Variants in DOCK3 observed in about 807,000 individuals in gnomAD.
DOCK3 encodes the protein dedicator of cytokinesis protein 3.
DOCK3 carries 60 observed loss-of-function variants against 265.6 expected under a neutral mutation model. The ratio of observed to expected loss-of-function variants is 0.23; its 90% confidence interval spans 0.18 to 0.28. The LOEUF (loss-of-function observed/expected upper bound fraction) is 0.28. Among genes scored for constraint, DOCK3 ranks in the 10% least tolerant of loss-of-function variants. DOCK3 has a pLI of 1.00. For missense variants in DOCK3, 1,981 were observed against 2,594.3 expected (o/e 0.76, Z 5.14); for synonymous variants, 881 against 938.0 (o/e 0.94, Z 1.11).
At chr3:50,895,685 G>A (rs145737819) in intron 4 of DOCK3, among the ~76,000 whole-genome samples, 1,718 of 151,858 alleles carry the variant, frequency 0.011, 43 homozygotes, top group African/African-American at 0.039. Flanking sequence ...CCCCCAACAG[G>A]CCCCAGTGTG....
At chr3:51,316,555 A>G (rs552313686) in intron 32 of DOCK3, among the ~76,000 whole-genome samples, 135 of 152,336 alleles carry the variant, frequency 8.9e-4, no homozygotes, top group African/African-American at 3.2e-3. Context: ...CTTTTCTAAA[A>G]TAGCTATACC....
intron 4 of DOCK3, among the ~76,000 whole-genome samples, chr3:50,932,082 T>C (rs1421436528): frequency 6.6e-6 from 1 of 152,308 alleles, no homozygotes; most frequent in East Asian, 1.9e-4. Flanking sequence ...CTTGCTGATA[T>C]TACCTTTGTC....
intron 2 of DOCK3, among the ~76,000 whole-genome samples, chr3:50,814,276 A>G (rs755597982): frequency 4.6e-5 from 7 of 152,068 alleles, no homozygotes; most frequent in African/African-American, 7.2e-5. Flanking sequence ...GTAAATTATT[A>G]TTATTATTAG....
intron 12 of DOCK3, among the ~76,000 whole-genome samples, chr3:51,190,731 G>GA (rs1458083699): frequency 6.6e-6 from 1 of 152,176 alleles, no homozygotes; most frequent in Non-Finnish European, 1.5e-5. Flanking sequence ...GGTGAGGGGT[G>GA]AGGCTAGAGA....
At chr3:50,904,169 A>G (rs1349933216) in intron 4 of DOCK3, among the ~76,000 whole-genome samples, 1 of 152,200 alleles carries the variant, frequency 6.6e-6, no homozygotes, top group Non-Finnish European at 1.5e-5. Flanking sequence ...TCATTGATGG[A>G]CATTTGCGTT....
At chr3:50,954,866 G>T (rs557546610) in intron 5 of DOCK3, among the ~76,000 whole-genome samples, 22 of 152,180 alleles carry the variant, frequency 1.4e-4, no homozygotes, top group Admixed American at 4.6e-4. Context: ...TGTTGCTATT[G>T]CTTTTGGCAT....
chr3:50,979,554 A>G (rs1311345308), intron 5 of DOCK3, among the ~76,000 whole-genome samples: 4 of 150,762 alleles, frequency 2.7e-5, no homozygotes, highest in Non-Finnish European at 5.9e-5. Flanking sequence ...TCACACTTGA[A>G]CTCCCCTTTC....
intron 1 of DOCK3, among the ~76,000 whole-genome samples, chr3:50,731,641 G>GA (rs1355877059): frequency 6.6e-6 from 1 of 152,102 alleles, no homozygotes; most frequent in Non-Finnish European, 1.5e-5. Flanking sequence ...AGTATATGCA[G>GA]AAAAAACATT....
At chr3:51,079,338 G>A (rs532152739) in intron 7 of DOCK3, among the ~76,000 whole-genome samples, 3 of 151,894 alleles carry the variant, frequency 2.0e-5, no homozygotes, top group African/African-American at 7.2e-5. Context: ...GTTTTATTTT[G>A]TTTGTTTGTT....
At chr3:50,965,852 T>G (rs1285167582) in intron 5 of DOCK3, among the ~76,000 whole-genome samples, 2 of 152,168 alleles carry the variant, frequency 1.3e-5, no homozygotes, top group Admixed American at 6.5e-5. Flanking sequence ...GTACAATGGA[T>G]GATTGGGTAT....
intron 5 of DOCK3, among the ~76,000 whole-genome samples, chr3:51,054,880 G>A (rs2081142681): frequency 6.6e-6 from 1 of 151,798 alleles, no homozygotes; most frequent in Admixed American, 6.6e-5. Context: ...TTTTTTCTTT[G>A]AAATTTTCTT....
At chr3:50,926,024 G>A (rs1289802146) in intron 4 of DOCK3, among the ~76,000 whole-genome samples, 2 of 151,604 alleles carry the variant, frequency 1.3e-5, no homozygotes, top group African/African-American at 4.9e-5. Flanking sequence ...GTAGAGATAG[G>A]GTTTTACCAT....
chr3:50,927,974 C>T (rs1196352541), intron 4 of DOCK3, among the ~76,000 whole-genome samples: 1 of 151,932 alleles, frequency 6.6e-6, no homozygotes, highest in Non-Finnish European at 1.5e-5. Flanking sequence ...CTCGTAGATA[C>T]TTTGGGACTG....
chr3:51,160,959 C>G (rs1255951952), intron 12 of DOCK3, among the ~76,000 whole-genome samples: 2 of 151,854 alleles, frequency 1.3e-5, no homozygotes, highest in Admixed American at 1.3e-4. Flanking sequence ...GCCTGTAATC[C>G]CAGCTACTCA....
intron 12 of DOCK3, among the ~76,000 whole-genome samples, chr3:51,204,933 G>T (rs185199659): frequency 6.6e-6 from 1 of 151,342 alleles, no homozygotes; most frequent in Non-Finnish European, 1.5e-5. Context: ...ACCAAACACC[G>T]CATGTTCTCA....
Position 51,374,592 on chromosome 3 carries a change from T to C in DOCK3, c.5412+5T>C, listed in dbSNP as rs1465100258. The C allele has an allele frequency of 2.5e-6, 4 of 1,607,634 alleles. No individual in the cohort carries two copies. Among genetic ancestry groups the C allele is most frequent in the East Asian group, 2.2e-5 (1 of 44,520 alleles). ...GCCATCCTGGAGAACGGACAGGTAA[T>C]AGACCCACCACACTGACTGTCCTCT... On this transcript the variant is annotated splice_donor_5th_base_variant and intron_variant, in intron 50 of 52. Transcript: ENST00000266037. This position sits in a 1 kb window ranked among gnomAD's most constrained non-coding sequence, Gnocchi z 4.8.
In DOCK3 at chr3:51,359,314, A is replaced by G. The variant is rs2086574389; in HGVS notation, c.4885-1197A>G. ...TGGACAGCATGAAAAGAGAAAAAGAAGCTTGTTGTAGTTTGAGAGGTAGGG... is the reference window on the plus strand; with the variant it reads ...TGGACAGCATGAAAAGAGAAAAAGAGGCTTGTTGTAGTTTGAGAGGTAGGG... On this transcript the variant is annotated intron_variant, in intron 46 of 52. Coordinates refer to ENST00000266037, the MANE Select transcript of DOCK3 (RefSeq NM_004947.5). The surrounding 1 kb of genome is among the most constrained non-coding windows in gnomAD (Gnocchi z 4.8). Among the ~76,000 whole-genome samples, 1 of 141,496 alleles carries G rather than the reference A, an allele frequency of 7.1e-6. No homozygotes were observed. Among genetic ancestry groups the G allele is most frequent in the Admixed American group, 6.9e-5 (1 of 14,570 alleles). The allele number at this position is 141,496 out of a possible 152,430, so 92.8% of individuals were successfully genotyped here.
intron 4 of DOCK3, among the ~76,000 whole-genome samples, chr3:50,895,804 T>C (rs1254003618): frequency 2.0e-5 from 3 of 152,196 alleles, no homozygotes; most frequent in African/African-American, 7.2e-5. Flanking sequence ...CTGAGAATTA[T>C]GGTTTCCAGC....
intron 37 of DOCK3, among the ~76,000 whole-genome samples, chr3:51,340,302 A>G (rs1004127441): frequency 6.6e-6 from 1 of 152,182 alleles, no homozygotes; most frequent in Non-Finnish European, 1.5e-5. Context: ...ATGGTTTCCT[A>G]AGCTCCAGAG....
Sources: allele counts gnomAD v4.1 joint callset (sites outside exome capture counted in the v4.1 genomes callset), GRCh38; gene constraint gnomAD v4.1.1; non-coding constraint Gnocchi (gnomAD v3.1); transcripts MANE v1.5; gene names NCBI Gene and HGNC (gene_info 2026-07-23, HGNC 2026-07-21).